RGS21: variants seen among roughly 807,000 people sequenced by gnomAD.
The protein encoded by RGS21 is regulator of G protein signaling 21.
RGS21 carries 19 observed loss-of-function variants against 18.7 expected under a neutral mutation model. That is an observed-to-expected ratio of 1.01 (90% CI 0.71 to 1.49). The LOEUF is 1.49. Ranked by LOEUF, RGS21 falls within the 40% of genes most tolerant of loss-of-function variation. The probability of loss-of-function intolerance (pLI) is 0.00; values close to 1 mark genes in which losing one functional copy is unlikely to be tolerated. For missense variants in RGS21, 194 were observed against 176.8 expected, an observed-to-expected ratio of 1.10 and a Z score of -0.55; for synonymous variants, 56 against 57.8, an observed-to-expected ratio of 0.97 and a Z score of 0.14.
chr1:192,356,481 G>A (rs1659114420), intron 4 of RGS21, among the ~76,000 whole-genome samples: 1 of 151,866 alleles, frequency 6.6e-6, no homozygotes, highest in South Asian at 2.1e-4. Flanking sequence ...TAGAACTAGA[G>A]AAAATGGCAA....
intron 1 of RGS21, among the ~76,000 whole-genome samples, chr1:192,340,000 G>A (rs1050603978): frequency 3.9e-5 from 6 of 151,952 alleles, no homozygotes; most frequent in Non-Finnish European, 8.8e-5. Context: ...AGTTAAACAT[G>A]ATCTTTAACT....
In RGS21 at chr1:192,366,204, T is replaced by C; in HGVS notation, c.*80T>C. Reference sequence around the variant, plus strand: ...ACAAGCATGATGCATTGTCTTTTGTTTTGTTTTTAGGATTTAGAAAACATT... The same window carrying C: ...ACAAGCATGATGCATTGTCTTTTGTCTTGTTTTTAGGATTTAGAAAACATT... On this transcript the variant is annotated 3_prime_UTR_variant, in exon 5 of 5. Transcript: ENST00000417209. The C allele has an allele frequency of 1.1e-6, 1 of 878,112 alleles. No individual in the cohort carries two copies. The highest frequency in any genetic ancestry group is 1.8e-6 in the Non-Finnish European group (1 of 558,186). 54.4% of individuals were successfully genotyped at this position (878,112 alleles called of 1,614,324 possible). A position where few individuals can be genotyped will look rare whatever the true frequency, so the allele number is the denominator to read the frequency against.
chr1:192,349,843 C>T (rs915759338), intron 3 of RGS21, among the ~76,000 whole-genome samples: 1 of 152,134 alleles, frequency 6.6e-6, no homozygotes, highest in Non-Finnish European at 1.5e-5. Context: ...CTTCCCATCT[C>T]TCTGGGATGC....
chr1:192,323,958 C>G (rs948537518), intron 1 of RGS21, among the ~76,000 whole-genome samples: 2 of 151,926 alleles, frequency 1.3e-5, no homozygotes, highest in Admixed American at 6.6e-5. Context: ...GAAAAAAAAC[C>G]TGATTGTTAA....
At chr1:192,342,079 C>T (rs1658879644) in intron 1 of RGS21, among the ~76,000 whole-genome samples, 1 of 151,970 alleles carries the variant, frequency 6.6e-6, no homozygotes, top group South Asian at 2.1e-4. Context: ...TTCTATAGAT[C>T]AACTAGGGCA....
chr1:192,322,105 A>G (rs1221676837), intron 1 of RGS21, among the ~76,000 whole-genome samples: 1 of 152,122 alleles, frequency 6.6e-6, no homozygotes, highest in Non-Finnish European at 1.5e-5. Flanking sequence ...GATAACTTCC[A>G]GGGAAATTGA....
At chr1:192,337,114 T>C (rs999219213) in intron 1 of RGS21, among the ~76,000 whole-genome samples, 1 of 152,122 alleles carries the variant, frequency 6.6e-6, no homozygotes, top group Non-Finnish European at 1.5e-5. Flanking sequence ...ATACTTAAAA[T>C]GTATTTGGAT....
chr1:192,329,926 A>G (rs1658621170), intron 1 of RGS21, among the ~76,000 whole-genome samples: 1 of 152,216 alleles, frequency 6.6e-6, no homozygotes, highest in African/African-American at 2.4e-5. Flanking sequence ...ATACTTGTTT[A>G]TAGTAAGCTA....
At chr1:192,343,435 G>T (rs1318375446) in intron 2 of RGS21, among the ~76,000 whole-genome samples, 3 of 152,018 alleles carry the variant, frequency 2.0e-5, no homozygotes, top group African/African-American at 7.2e-5. Flanking sequence ...TCACTTCCTG[G>T]AGCACATGGA....
chr1:192,352,538 G>T (rs929727273), intron 4 of RGS21, among the ~76,000 whole-genome samples: 1 of 152,004 alleles, frequency 6.6e-6, no homozygotes, highest in Non-Finnish European at 1.5e-5. Flanking sequence ...AAATGCTGTT[G>T]AATTTCCAGT....
chr1:192,359,784 A>C (rs77056741), intron 4 of RGS21, among the ~76,000 whole-genome samples: 7,822 of 142,304 alleles, frequency 0.055, 210 homozygotes, highest in East Asian at 0.1. Flanking sequence ...CTCTCTCTCT[A>C]TATATATATA....
In RGS21 at chr1:192,333,523, C is replaced by T. The variant is rs554165789; in HGVS notation, c.-60-9454C>T. 3.4e-4 allele frequency among the ~76,000 whole-genome samples: 50 copies of T among 148,292 alleles called. 1 individual carries two copies. Among genetic ancestry groups the T allele is most frequent in the South Asian group, 2.3e-3 (11 of 4,728 alleles). On this transcript the variant is annotated intron_variant, in intron 1 of 4. Transcript: ENST00000417209. ...TAAAAAGGCAAGGGCTAGTCACATGCGAAATGATGTGGATTAATCACAAGA... is the reference window on the plus strand; with the variant it reads ...TAAAAAGGCAAGGGCTAGTCACATGTGAAATGATGTGGATTAATCACAAGA...
At chr1:192,332,981 TAAC>T (rs1412366430) in intron 1 of RGS21, among the ~76,000 whole-genome samples, 1 of 149,992 alleles carries the variant, frequency 6.7e-6, no homozygotes, top group African/African-American at 2.5e-5. Flanking sequence ...TAAAAAAAAA[TAAC>T]AACTAACAAT....
chr1:192,341,781 A>T (rs2102229474), intron 1 of RGS21, among the ~76,000 whole-genome samples: 1 of 147,658 alleles, frequency 6.8e-6, no homozygotes, highest in East Asian at 2.0e-4. Context: ...TTTTTTTTTT[A>T]ACCAAGAGGG....
At chr1:192,332,138 T>C (rs139745691) in intron 1 of RGS21, among the ~76,000 whole-genome samples, 68 of 152,074 alleles carry the variant, frequency 4.5e-4, no homozygotes, top group African/African-American at 1.6e-3. Flanking sequence ...ATTTTTAAAA[T>C]AATGAAAGAA....
chr1:192,363,498 G>A (rs1185581135), intron 4 of RGS21, among the ~76,000 whole-genome samples: 1 of 152,072 alleles, frequency 6.6e-6, no homozygotes, highest in African/African-American at 2.4e-5. Context: ...CACCAGATAA[G>A]TTTATGAAAC....
chr1:192,358,155 G>A (rs979771544), intron 4 of RGS21, among the ~76,000 whole-genome samples: 13 of 151,920 alleles, frequency 8.6e-5, no homozygotes, highest in East Asian at 1.9e-4. Flanking sequence ...CACAGAAATC[G>A]GAGAAGCATC....
chr1:192,317,971 T>G (rs1343206803), intron 1 of RGS21, among the ~76,000 whole-genome samples: 1 of 152,062 alleles, frequency 6.6e-6, no homozygotes, highest in East Asian at 1.9e-4. Flanking sequence ...TACTAGTACA[T>G]GTATTATAGT....
At chr1:192,323,013 A>G (rs1658517615) in intron 1 of RGS21, among the ~76,000 whole-genome samples, 1 of 152,122 alleles carries the variant, frequency 6.6e-6, no homozygotes, top group Non-Finnish European at 1.5e-5. Context: ...TCTGGATTTT[A>G]TATCATCTTT....
Sources: gnomAD v4.1 joint callset for allele counts (sites outside exome capture counted in the v4.1 genomes callset) on GRCh38, gnomAD v4.1.1 for gene constraint, MANE v1.5 for transcripts, NCBI Gene and HGNC (gene_info 2026-07-23, HGNC 2026-07-21) for gene names.